The following MPP7 variants were observed in gnomAD, a reference collection of about 807,000 sequenced individuals.
MPP7 encodes the protein MAGUK p55 subfamily member 7.
Under a neutral mutation model 76.5 loss-of-function variants are expected in MPP7, and 60 were observed. That is an observed-to-expected ratio of 0.78 (90% CI 0.64 to 0.97). The LOEUF is 0.97. Ranked by LOEUF, MPP7 falls within the 50% of genes least tolerant of loss-of-function variation. The pLI, the probability that MPP7 is intolerant of heterozygous loss-of-function variation, is 0.00. For missense variants in MPP7, 641 were observed against 694.0 expected, an observed-to-expected ratio of 0.92 and a Z score of 0.86; for synonymous variants, 237 against 244.5, an observed-to-expected ratio of 0.97 and a Z score of 0.29.
chr10:28,178,129 T>A (rs1200469245), intron 3 of MPP7, among the ~76,000 whole-genome samples: 2 of 152,154 alleles, frequency 1.3e-5, no homozygotes, highest in Non-Finnish European at 1.5e-5. Flanking sequence ...TTCTTTGTTG[T>A]GAGGGGCTTT....
At chr10:28,306,353 TTAGA>T (rs1180150851), upstream of MPP7, among the ~76,000 whole-genome samples, 4 of 152,288 alleles carry the variant, frequency 2.6e-5, no homozygotes, top group East Asian at 5.8e-4. Flanking sequence ...CAGAAATTCA[TTAGA>T]TAGACAGAAG....
chr10:28,149,581 C>T (rs1357445596), intron 4 of MPP7, among the ~76,000 whole-genome samples: 3 of 152,136 alleles, frequency 2.0e-5, no homozygotes, highest in Non-Finnish European at 4.4e-5. Flanking sequence ...TCATATGCCT[C>T]GTTCGTATCC....
Position 28,131,643 on chromosome 10 carries a change from C to G in MPP7, c.364G>C (p.Val122Leu). 6.2e-7 allele frequency: 1 copy of G among 1,605,342 alleles called. No individual in the cohort carries two copies. Among genetic ancestry groups the G allele is most frequent in the Non-Finnish European group, 8.5e-7 (1 of 1,174,672 alleles). The change falls in exon 6 of 17, where the codon GTG (valine) becomes CTG (leucine). Residue 122 changes from valine (V) to leucine (L), a missense_variant. Coordinates refer to ENST00000683449, the MANE Select transcript of MPP7 (RefSeq NM_001318170.2). The stretch of plus-strand genomic sequence containing the variant: ...ATATCTTCAGGCATAGGAGGCAACA[C>G]TGGGTCGTAATTCTTCTGAGCCACA... ...DTVAQKNYDP[V>L]LPPMPEDIDD...
At chr10:28,084,393 G>A (rs1420899086) in intron 12 of MPP7, among the ~76,000 whole-genome samples, 2 of 152,180 alleles carry the variant, frequency 1.3e-5, no homozygotes, top group African/African-American at 4.8e-5. Flanking sequence ...TGAACCAGCA[G>A]CAATAGGGGA....
At chr10:28,079,736 GA>G (rs1266551457) in intron 12 of MPP7, among the ~76,000 whole-genome samples, 1 of 152,090 alleles carries the variant, frequency 6.6e-6, no homozygotes, top group Non-Finnish European at 1.5e-5. Flanking sequence ...CATTCTGAGC[GA>G]ATGAATAAAC....
chr10:28,276,730 C>T (rs1840510350), intron 1 of MPP7, among the ~76,000 whole-genome samples: 1 of 151,982 alleles, frequency 6.6e-6, no homozygotes, highest in Non-Finnish European at 1.5e-5. Flanking sequence ...GATCTGATCA[C>T]AGAACAGGTT....
At chr10:28,311,752 G>A (rs1351966824) in intron 2 of MPP7, among the ~76,000 whole-genome samples, 7 of 130,818 alleles carry the variant, frequency 5.4e-5, no homozygotes, top group African/African-American at 9.1e-5. Context: ...ATGCATAGAT[G>A]TGTTAATACA....
intron 3 of MPP7, among the ~76,000 whole-genome samples, chr10:28,179,080 G>T (rs1244721865): frequency 1.3e-5 from 2 of 152,090 alleles, no homozygotes; most frequent in Admixed American, 6.6e-5. Flanking sequence ...GGACTGAAAA[G>T]GTCCATTGGA....
intron 3 of MPP7, among the ~76,000 whole-genome samples, chr10:28,151,026 T>C (rs766733508): frequency 6.6e-6 from 1 of 152,182 alleles, no homozygotes; most frequent in Non-Finnish European, 1.5e-5. Flanking sequence ...TCCCCCACCA[T>C]ATACAAAAAA....
intron 1 of MPP7, among the ~76,000 whole-genome samples, chr10:28,302,506 G>C (rs541820771): frequency 3.9e-4 from 59 of 152,302 alleles, no homozygotes; most frequent in African/African-American, 1.3e-3. Flanking sequence ...TTTCCCCGGG[G>C]AGCCGGACTC....
chr10:28,323,355 A>G (rs909811992), intron 2 of MPP7, among the ~76,000 whole-genome samples: 4 of 152,108 alleles, frequency 2.6e-5, no homozygotes, highest in Admixed American at 2.0e-4. Context: ...TGGGCGGCTA[A>G]GGTAGGAGGA....
intron 2 of MPP7, among the ~76,000 whole-genome samples, chr10:28,219,234 A>G (rs1455337511): frequency 6.6e-6 from 1 of 152,232 alleles, no homozygotes; most frequent in East Asian, 1.9e-4. Flanking sequence ...CATATCTAAA[A>G]TGGGAAAAAA....
chr10:28,315,155 A>G (rs1834304846), intron 2 of MPP7, among the ~76,000 whole-genome samples: 1 of 151,218 alleles, frequency 6.6e-6, no homozygotes, highest in South Asian at 2.1e-4. Context: ...TGAAAGAAAG[A>G]CAGAAAGAGA....
intron 5 of MPP7, among the ~76,000 whole-genome samples, chr10:28,142,118 C>A (rs16928532): frequency 6.6e-6 from 1 of 151,980 alleles, no homozygotes; most frequent in Admixed American, 6.6e-5. Context: ...ATGAAGAATA[C>A]AAGTCCTTTC....
At chr10:28,259,314 C>T (rs544362001) in intron 1 of MPP7, among the ~76,000 whole-genome samples, 1 of 152,288 alleles carries the variant, frequency 6.6e-6, no homozygotes, top group South Asian at 2.1e-4. Context: ...TGCAGTGGCT[C>T]ACACCAGTAA....
At chr10:28,238,922 T>C (rs560216447) in intron 1 of MPP7, among the ~76,000 whole-genome samples, 187 bp from the exon 2 acceptor site, 2 of 152,274 alleles carry the variant, frequency 1.3e-5, no homozygotes, top group South Asian at 2.1e-4. Flanking sequence ...CAACTTCGAA[T>C]TGAAAACATG....
chr10:28,065,377 C>T (rs1851949333), intron 13 of MPP7, among the ~76,000 whole-genome samples: 1 of 152,170 alleles, frequency 6.6e-6, no homozygotes, highest in Non-Finnish European at 1.5e-5. Context: ...TTATCATAAT[C>T]AACCTGAATT....
At chr10:28,117,848 C>T (rs867540560) in intron 11 of MPP7, among the ~76,000 whole-genome samples, 1 of 151,768 alleles carries the variant, frequency 6.6e-6, no homozygotes, top group African/African-American at 2.4e-5. Context: ...TAATTTTGAC[C>T]AGATTTATTT....
At chr10:28,068,392 G>T (rs557399911) in intron 13 of MPP7, among the ~76,000 whole-genome samples, 1 of 150,238 alleles carries the variant, frequency 6.7e-6, no homozygotes, top group African/African-American at 2.4e-5. Flanking sequence ...AGAGAACATC[G>T]CTAAGGGCAA....
Sources: gnomAD v4.1 joint callset for allele counts (sites outside exome capture counted in the v4.1 genomes callset) on GRCh38, gnomAD v4.1.1 for gene constraint, MANE v1.5 for transcripts, NCBI Gene and HGNC (gene_info 2026-07-23, HGNC 2026-07-21) for gene names.